Variants in PPP2R2B observed in about 807,000 individuals in gnomAD.
PPP2R2B encodes serine/threonine-protein phosphatase 2A 55 kDa regulatory subunit B beta isoform.
A neutral mutation model predicts 46.0 loss-of-function variants in PPP2R2B; 5 were observed. The observed-to-expected ratio is 0.11, with a 90% CI of 0.06 to 0.23. The LOEUF (loss-of-function observed/expected upper bound fraction) is 0.23, where lower values mean the gene tolerates loss of function less well. PPP2R2B is among the 10% of genes least tolerant of loss of function. The pLI is 1.00. For missense variants in PPP2R2B, 367 were observed against 575.0 expected (o/e 0.64, Z 3.70); for synonymous variants, 215 against 206.7 (o/e 1.04, Z -0.34).
At chr5:146,977,937 T>C (rs1752994966) in intron 1 of PPP2R2B, among the ~76,000 whole-genome samples, 1 of 152,224 alleles carries the variant, frequency 6.6e-6, no homozygotes. Flanking sequence ...TCTAGATCCT[T>C]GAGGAATTGC....
chr5:147,011,982 G>C (rs953360316), intron 1 of PPP2R2B, among the ~76,000 whole-genome samples: 11 of 145,048 alleles, frequency 7.6e-5, no homozygotes, highest in Non-Finnish European at 1.5e-4. Context: ...CGGTTTGCCA[G>C]TATTTTATTG....
chr5:146,940,876 G>A (rs1391975050), intron 1 of PPP2R2B, among the ~76,000 whole-genome samples: 3 of 152,122 alleles, frequency 2.0e-5, no homozygotes, highest in African/African-American at 4.8e-5. Context: ...GAGAATATGA[G>A]TGATTTCAGC....
chr5:146,629,718 T>TCTCCCTCCCTCTCTTC (rs1774298084), intron 7 of PPP2R2B, among the ~76,000 whole-genome samples: 4 of 151,484 alleles, frequency 2.6e-5, no homozygotes, highest in Non-Finnish European at 5.9e-5. Flanking sequence ...TCCCTCTCTT[T>TCTCCCTCCCTCTCTTC]CTCCCTCCCT....
chr5:147,040,310 T>G (rs554258336), intron 1 of PPP2R2B, among the ~76,000 whole-genome samples: 1 of 152,294 alleles, frequency 6.6e-6, no homozygotes, highest in Admixed American at 6.5e-5. Context: ...TAATGAGAGC[T>G]TTGGCCACTG....
At chr5:146,896,298 T>C (rs1382144052) in intron 1 of PPP2R2B, among the ~76,000 whole-genome samples, 2 of 152,166 alleles carry the variant, frequency 1.3e-5, no homozygotes, top group Non-Finnish European at 2.9e-5. Context: ...TCTCTCACCA[T>C]CACCCTGAAG....
intron 2 of PPP2R2B, among the ~76,000 whole-genome samples, chr5:146,834,214 A>G (rs1032501966): frequency 2.0e-5 from 3 of 152,198 alleles, no homozygotes; most frequent in Non-Finnish European, 2.9e-5. Flanking sequence ...TGCTTTATAT[A>G]CATAATCCAT....
At chr5:146,968,016 T>C (rs1752508112) in intron 1 of PPP2R2B, among the ~76,000 whole-genome samples, 1 of 152,264 alleles carries the variant, frequency 6.6e-6, no homozygotes, top group Admixed American at 6.5e-5. Context: ...CAAGGCCCCA[T>C]GAATCTAGAA....
At position 146,584,884 on chromosome 5, in the gene PPP2R2B, T is replaced by C. The variant is rs1234140103; in HGVS notation, c.*5063A>G. 1 of 152,194 alleles carries C rather than the reference T, an allele frequency of 6.6e-6. No homozygotes were observed. The highest frequency in any genetic ancestry group is 2.4e-5 in the African/African-American group (1 of 41,444). The allele number at this position is 152,194 out of a possible 1,614,324, so 9.4% of individuals were successfully genotyped here. A position where few individuals can be genotyped will look rare whatever the true frequency, so the allele number is the denominator to read the frequency against. Reference sequence around the variant, plus strand: ...GGATTTTGCTTCATATTCTGGTATATGTTGGTCTACCTATTGGAAACGCTG... The same window carrying C: ...GGATTTTGCTTCATATTCTGGTATACGTTGGTCTACCTATTGGAAACGCTG... On this transcript the variant is annotated 3_prime_UTR_variant, in exon 10 of 10. Coordinates refer to ENST00000394411, the MANE Select transcript of PPP2R2B (RefSeq NM_181675.4).
Position 146,590,037 on chromosome 5 carries a change from C to A in PPP2R2B, c.1242G>T (p.Lys414Asn). The A allele has an allele frequency of 6.2e-7, 1 of 1,614,178 alleles. No homozygotes were observed. The highest frequency in any genetic ancestry group is 8.5e-7 in the Non-Finnish European group (1 of 1,180,036). Residue 414 changes from lysine (K) to asparagine (N), a missense_variant, in exon 10 of 10, where the codon AAG becomes AAT. Physicochemically the swap from Lys to Asn is moderately conservative, Grantham distance 94 (BLOSUM62 0). Transcript: ENST00000394411. ...AAGGATGCCAAGCTGTATGCAAGATCTTTTTGCTAAAGTCCAGACTGTCGA... is the reference window on the plus strand; with the variant it reads ...AAGGATGCCAAGCTGTATGCAAGATATTTTTGCTAAAGTCCAGACTGTCGA... The part of the protein sequence containing the change: ...ISVDSLDFSK[K>N]ILHTAWHPSE...
chr5:146,691,188 G>A lies in PPP2R2B; in HGVS notation c.387C>T (p.Gly129=). The change falls in exon 5 of 10, where the codon GGC becomes GGT. Residue 129 remains glycine (G), a synonymous_variant. Coordinates refer to ENST00000394411, the MANE Select transcript of PPP2R2B (RefSeq NM_181675.4). ...KVSERDKRPE[G]YNLKDEEGRL... ...GGCCCTCCTCATCTTTCAGATTGTA[G>A]CCTTCTGGCCTCTTATCACGCTCGC... 6.2e-7 allele frequency: 1 copy of A among 1,614,158 alleles called. No individual in the cohort carries two copies. Among genetic ancestry groups the A allele is most frequent in the Non-Finnish European group, 8.5e-7 (1 of 1,180,022 alleles).
chr5:146,734,799 A>G (rs1752440602), intron 2 of PPP2R2B, among the ~76,000 whole-genome samples: 1 of 152,220 alleles, frequency 6.6e-6, no homozygotes, highest in Non-Finnish European at 1.5e-5. Context: ...GGTACCTTCC[A>G]TATAAAGACC....
chr5:146,660,087 G>A (rs533220858), intron 5 of PPP2R2B, among the ~76,000 whole-genome samples: 9 of 152,076 alleles, frequency 5.9e-5, no homozygotes, highest in African/African-American at 9.7e-5. Flanking sequence ...AAATAGCTCC[G>A]TCCTCATTGT....
At chr5:146,690,084 C>A (rs1581882697) in intron 5 of PPP2R2B, among the ~76,000 whole-genome samples, 1 of 152,314 alleles carries the variant, frequency 6.6e-6, no homozygotes, top group East Asian at 1.9e-4. Context: ...AGGGCAAGAA[C>A]CTATTTTCCT....
In PPP2R2B at chr5:146,747,685, T is replaced by C. The variant is rs996175942; in HGVS notation, c.71-46543A>G. Among the ~76,000 whole-genome samples, 61 of 152,164 alleles carry C rather than the reference T, an allele frequency of 4.0e-4. 1 individual carries two copies. The highest frequency in any genetic ancestry group is 8.8e-5 in the Non-Finnish European group (6 of 68,020). ...CAATCTGATTCCAAGGTTTGGGAAG[T>C]GGTACAGACTATTAGGGACACATAA... On this transcript the variant is annotated intron_variant, in intron 2 of 9. Transcript: ENST00000394411.
At chr5:147,050,982 A>G (rs1254820762) in intron 1 of PPP2R2B, among the ~76,000 whole-genome samples, 1 of 151,948 alleles carries the variant, frequency 6.6e-6, no homozygotes, top group African/African-American at 2.4e-5. Context: ...TGAGTCCTTC[A>G]TTTAAGAAGG....
At position 146,691,110 on chromosome 5, in the gene PPP2R2B, G is replaced by T; in HGVS notation, c.447+18C>A. 4 of 1,607,922 alleles carry T rather than the reference G, an allele frequency of 2.5e-6. No individual in the cohort carries two copies. In the South Asian group the frequency reaches 3.3e-5, roughly 13 times the overall value. ...CCTGCCCCTGACTGTGGTGGCCAGGGCAGCTGTTTGCACTCACCCGCAGGG... is the reference window on the plus strand; with the variant it reads ...CCTGCCCCTGACTGTGGTGGCCAGGTCAGCTGTTTGCACTCACCCGCAGGG... On this transcript the variant is annotated intron_variant, in intron 5 of 9. Transcript: ENST00000394411.
intron 1 of PPP2R2B, among the ~76,000 whole-genome samples, chr5:146,967,411 C>G (rs1050681472): frequency 1.2e-4 from 19 of 152,170 alleles, no homozygotes; most frequent in Non-Finnish European, 2.6e-4. Flanking sequence ...ATCCTTATAA[C>G]AGCCCTGTAA....
At chr5:146,771,536 C>T (rs1259699434) in intron 2 of PPP2R2B, among the ~76,000 whole-genome samples, 1 of 151,960 alleles carries the variant, frequency 6.6e-6, no homozygotes, top group Non-Finnish European at 1.5e-5. Flanking sequence ...ATGGGATTGC[C>T]CCAGAGATGC....
rs563584476 is a variant in PPP2R2B, at chr5:146,907,077, C to T, written c.79+148588G>A. Among the ~76,000 whole-genome samples the T allele has an allele frequency of 4.5e-4, 68 of 152,184 alleles. No individual in the cohort carries two copies. In the South Asian group the frequency reaches 0.011, roughly 25 times the overall value. ...TGATTGTGGTGAGGACAGAAGATAG[C>T]GCAGGATGCCATTCCGACAGGGAAG... On this transcript the variant is annotated intron_variant, in intron 1 of 8. Transcript: ENST00000336640.
Sources: gnomAD v4.1 joint callset for allele counts (sites outside exome capture counted in the v4.1 genomes callset) on GRCh38, gnomAD v4.1.1 for gene constraint, MANE v1.5 for transcripts, NCBI Gene and HGNC (gene_info 2026-07-23, HGNC 2026-07-21) for gene names.